Variants in CEP128 observed in about 807,000 individuals in gnomAD.
CEP128 encodes centrosomal protein 128.
CEP128 carries 132 observed loss-of-function variants against 156.7 expected under a neutral mutation model. The ratio of observed to expected loss-of-function variants is 0.84; its 90% CI spans 0.73 to 0.97. The LOEUF is 0.97. Ranked by LOEUF, CEP128 falls within the 50% of genes least tolerant of loss-of-function variation. The pLI is 0.00. For synonymous variants in CEP128, 469 were observed against 448.9 expected (o/e 1.04, Z -0.57); for missense variants, 1,252 against 1,281.9 (o/e 0.98, Z 0.36).
At chr14:80,684,587 G>A (rs1896452859) in intron 19 of CEP128, among the ~76,000 whole-genome samples, 1 of 151,468 alleles carries the variant, frequency 6.6e-6, no homozygotes, top group South Asian at 2.1e-4. Context: ...CCTTCCTAAT[G>A]CATTCTACAA....
In CEP128 at chr14:80,793,010, C is replaced by T. The variant is rs145742045; in HGVS notation, c.1310G>A (p.Arg437His). The change falls in exon 14 of 25, where the codon CGT (arginine) becomes CAT (histidine). Residue 437 changes from arginine (R) to histidine (H), a missense_variant. By Grantham distance (29) the Arg-to-His change is conservative. Transcript: ENST00000555265. ...QNHFDTCEAE[R>H]KHADLQISEL... ...TGAGATCTGAAGGTCAGCATGCTTA[C>T]GCTCGGCCTCACATGTGTCAAAGTG... 2.4e-5 allele frequency: 39 copies of T among 1,614,064 alleles called. No individual in the cohort carries two copies. Among genetic ancestry groups the T allele is most frequent in the Middle Eastern group, 1.6e-4 (1 of 6,084 alleles).
At chr14:80,798,966 C>A (rs1883661610) in intron 13 of CEP128, among the ~76,000 whole-genome samples, 1 of 152,176 alleles carries the variant, frequency 6.6e-6, no homozygotes, top group African/African-American at 2.4e-5. Flanking sequence ...TTTAAATAAT[C>A]ATTTTCATTT....
intron 19 of CEP128, among the ~76,000 whole-genome samples, chr14:80,645,612 T>TATATCA (rs1894601204): frequency 6.6e-6 from 1 of 152,148 alleles, no homozygotes; most frequent in Non-Finnish European, 1.5e-5. Flanking sequence ...TCTCATTGAC[T>TATATCA]GCTGGTAAAA....
intron 19 of CEP128, among the ~76,000 whole-genome samples, chr14:80,731,259 G>A (rs1595303159): frequency 6.6e-6 from 1 of 152,162 alleles, no homozygotes. Context: ...ACACAAAATC[G>A]AGTTTCACAA....
chr14:80,869,154 T>C (rs1887911699), intron 8 of CEP128, among the ~76,000 whole-genome samples: 1 of 152,004 alleles, frequency 6.6e-6, no homozygotes, highest in African/African-American at 2.4e-5. Flanking sequence ...GAACATTCCA[T>C]CAAACAGCAG....
chr14:80,935,763 G>A (rs1255732879), intron 2 of CEP128, among the ~76,000 whole-genome samples: 1 of 150,562 alleles, frequency 6.6e-6, no homozygotes, highest in East Asian at 2.0e-4. Flanking sequence ...CATCATGGTA[G>A]AAGCCAAAAT....
chr14:80,630,798 T>A (rs1893930083), intron 19 of CEP128, among the ~76,000 whole-genome samples: 1 of 151,996 alleles, frequency 6.6e-6, no homozygotes, highest in Admixed American at 6.6e-5. Context: ...CAAAGCCATA[T>A]CTCTGTTGTA....
chr14:80,635,550 G>C (rs1218591178), intron 19 of CEP128, among the ~76,000 whole-genome samples: 1 of 152,170 alleles, frequency 6.6e-6, no homozygotes, highest in Non-Finnish European at 1.5e-5. Flanking sequence ...GTTTCTTCTT[G>C]TGTAGAGGAT....
At chr14:80,861,974 A>T (rs1372175827) in intron 9 of CEP128, among the ~76,000 whole-genome samples, 1 of 152,200 alleles carries the variant, frequency 6.6e-6, no homozygotes, top group East Asian at 1.9e-4. Flanking sequence ...ATAAATGATG[A>T]AGCAAGTCTG....
intron 8 of CEP128, among the ~76,000 whole-genome samples, chr14:80,870,314 G>A (rs575411438): frequency 2.8e-4 from 43 of 152,064 alleles, no homozygotes; most frequent in African/African-American, 9.9e-4. Flanking sequence ...CAATATCCCC[G>A]ATGAACACAG....
chr14:80,689,290 C>CAAAA (rs57054840), intron 19 of CEP128, among the ~76,000 whole-genome samples: 4 of 96,636 alleles, frequency 4.1e-5, no homozygotes, highest in East Asian at 3.0e-4. Flanking sequence ...GACTCCGTCT[C>CAAAA]AAAAAAAAAA....
intron 19 of CEP128, among the ~76,000 whole-genome samples, chr14:80,705,724 G>C (rs1195254540): frequency 6.6e-6 from 1 of 152,128 alleles, no homozygotes; most frequent in African/African-American, 2.4e-5. Context: ...CCTTGGGGCA[G>C]CCATCCTGTG....
At chr14:80,620,160 T>C (rs1008155798) in intron 19 of CEP128, among the ~76,000 whole-genome samples, 7 of 151,732 alleles carry the variant, frequency 4.6e-5, no homozygotes, top group Non-Finnish European at 5.9e-5. Flanking sequence ...CAAAAACAAG[T>C]GCACTGGGAG....
chr14:80,825,388 C>T (rs1364060677), intron 13 of CEP128, among the ~76,000 whole-genome samples: 8 of 152,146 alleles, frequency 5.3e-5, no homozygotes, highest in Admixed American at 3.9e-4. Context: ...GGATTACAGG[C>T]GTGAGCCATC....
chr14:80,857,845 C>T (rs1887279775), intron 9 of CEP128, among the ~76,000 whole-genome samples: 1 of 151,874 alleles, frequency 6.6e-6, no homozygotes, highest in Non-Finnish European at 1.5e-5. Flanking sequence ...AGAATATAGT[C>T]ATACAACCCA....
intron 19 of CEP128, among the ~76,000 whole-genome samples, chr14:80,626,276 A>G (rs924400725): frequency 1.3e-5 from 2 of 151,244 alleles, no homozygotes; most frequent in African/African-American, 4.9e-5. Context: ...CATCCTGGCT[A>G]ACAAGGTGAA....
intron 19 of CEP128, among the ~76,000 whole-genome samples, chr14:80,698,101 A>T (rs1896950711): frequency 1.3e-5 from 2 of 152,056 alleles, no homozygotes; most frequent in African/African-American, 2.4e-5. Context: ...TTAAATTCTT[A>T]AAAATGTTTT....
chr14:80,837,210 C>T (rs968101409), intron 11 of CEP128, among the ~76,000 whole-genome samples: 5 of 152,118 alleles, frequency 3.3e-5, no homozygotes, highest in African/African-American at 1.2e-4. Flanking sequence ...CTTTGCTTAC[C>T]CTTAGCATAT....
intron 14 of CEP128, among the ~76,000 whole-genome samples, chr14:80,484,479 C>T (rs768510894): frequency 1.3e-5 from 2 of 152,086 alleles, no homozygotes; most frequent in Non-Finnish European, 2.9e-5. Flanking sequence ...TGCTATCAAC[C>T]GACAGTAATT....
Sources: gnomAD v4.1 joint callset for allele counts (sites outside exome capture counted in the v4.1 genomes callset) on GRCh38, gnomAD v4.1.1 for gene constraint, MANE v1.5 for transcripts, NCBI Gene and HGNC (gene_info 2026-07-23, HGNC 2026-07-21) for gene names.